Variants in MAP3K5 observed in about 807,000 individuals in gnomAD.
MAP3K5 encodes the protein ASK-1.
MAP3K5 carries 56 observed loss-of-function variants against 158.7 expected under a neutral mutation model. That is an observed-to-expected ratio of 0.35 (90% CI 0.28 to 0.44). MAP3K5 has a LOEUF of 0.44. MAP3K5 is among the 20% of genes least tolerant of loss of function. The pLI is 1.00. For synonymous variants in MAP3K5, 579 were observed against 601.7 expected (o/e 0.96, Z 0.55); for missense variants, 1,294 against 1,674.8 (o/e 0.77, Z 3.97).
chr6:136,596,750 T>G (rs1269893627), intron 21 of MAP3K5, among the ~76,000 whole-genome samples: 1 of 152,226 alleles, frequency 6.6e-6, no homozygotes, highest in African/African-American at 2.4e-5. Context: ...TTTATACGTT[T>G]GTGGTGGAAA....
intron 14 of MAP3K5, among the ~76,000 whole-genome samples, chr6:136,636,407 A>T (rs749203037): frequency 2.0e-5 from 3 of 152,242 alleles, no homozygotes; most frequent in Non-Finnish European, 4.4e-5. Context: ...TGTTTACAGT[A>T]TTTTGTTACA....
At chr6:136,559,025 GA>G in intron 28 of MAP3K5, 149 bp from the exon 29 acceptor site, 1 of 592,712 alleles carries the variant, frequency 1.7e-6, no homozygotes, top group Non-Finnish European at 3.0e-6. Flanking sequence ...ATTATTAGGG[GA>G]AAGGCCTCCC....
intron 18 of MAP3K5, among the ~76,000 whole-genome samples, chr6:136,606,157 C>A (rs1284328742): frequency 1.3e-5 from 2 of 152,170 alleles, no homozygotes; most frequent in African/African-American, 4.8e-5. Context: ...TTGAGACCAG[C>A]CTGGCAAACA....
chr6:136,691,184 C>T (rs769827523), intron 7 of MAP3K5, among the ~76,000 whole-genome samples: 10 of 152,100 alleles, frequency 6.6e-5, no homozygotes, highest in Admixed American at 1.3e-4. Flanking sequence ...TGCTGAGCTT[C>T]CTAGATCTGT....
At chr6:136,778,700 G>C (rs1243378804) in intron 1 of MAP3K5, among the ~76,000 whole-genome samples, 3 of 152,136 alleles carry the variant, frequency 2.0e-5, no homozygotes, top group Non-Finnish European at 2.9e-5. Context: ...AGTTATAAGT[G>C]AATAGATTCC....
rs150721595 is a variant in MAP3K5 at position 136,767,863 on chromosome 6, G to A, written c.448+23847C>T. On this transcript the variant is annotated intron_variant, in intron 1 of 29. Transcript: ENST00000359015. ...AACATAGATCAATGGAAATCAAATGGAGACTATGGGAATAAACTCACACAT... is the reference window on the plus strand; with the variant it reads ...AACATAGATCAATGGAAATCAAATGAAGACTATGGGAATAAACTCACACAT... 4.5e-3 allele frequency among the ~76,000 whole-genome samples: 685 copies of A among 152,278 alleles called. 4 individuals are homozygous for A. Among genetic ancestry groups the A allele is most frequent in the African/African-American group, 0.016 (665 of 41,544 alleles).
At chr6:136,594,797 C>G (rs1037890358) in intron 21 of MAP3K5, among the ~76,000 whole-genome samples, 1 of 149,746 alleles carries the variant, frequency 6.7e-6, no homozygotes, top group Non-Finnish European at 1.5e-5. Context: ...CGTGTGTTTC[C>G]GTGTTTGTGT....
chr6:136,601,236 T>C (rs1215403681), intron 20 of MAP3K5, among the ~76,000 whole-genome samples, 194 bp from the exon 21 acceptor site: 4 of 152,192 alleles, frequency 2.6e-5, no homozygotes, highest in Admixed American at 6.5e-5. Context: ...TTCTGAGTTA[T>C]AGACAATTAT....
intron 7 of MAP3K5, among the ~76,000 whole-genome samples, chr6:136,687,092 C>G (rs1012510543): frequency 4.6e-5 from 7 of 152,136 alleles, no homozygotes; most frequent in African/African-American, 1.7e-4. Flanking sequence ...ACCAATGGAA[C>G]ACAACAGAGG....
At chr6:136,641,733 A>C (rs1426353364) in intron 12 of MAP3K5, among the ~76,000 whole-genome samples, 1 of 151,502 alleles carries the variant, frequency 6.6e-6, no homozygotes, top group East Asian at 1.9e-4. Flanking sequence ...TCACACCTGT[A>C]ATCCCAGCAT....
chr6:136,756,763 C>T (rs1043526607), intron 1 of MAP3K5, among the ~76,000 whole-genome samples: 1 of 152,206 alleles, frequency 6.6e-6, no homozygotes, highest in Non-Finnish European at 1.5e-5. Context: ...GAGAGAGACA[C>T]TTGCAAGGCT....
intron 1 of MAP3K5, among the ~76,000 whole-genome samples, chr6:136,790,608 C>T (rs1277563532): frequency 2.0e-5 from 3 of 152,050 alleles, no homozygotes; most frequent in Non-Finnish European, 4.4e-5. Context: ...GGCTGAATTC[C>T]AAAACTGACA....
chr6:136,558,440 C>A (rs1354360780), intron 29 of MAP3K5, among the ~76,000 whole-genome samples: 2 of 151,618 alleles, frequency 1.3e-5, no homozygotes, highest in African/African-American at 4.8e-5. Flanking sequence ...TCAGATTATA[C>A]CAGGTTTTTG....
At chr6:136,560,974 A>AAAT (rs907452683) in intron 28 of MAP3K5, among the ~76,000 whole-genome samples, 1 of 151,404 alleles carries the variant, frequency 6.6e-6, no homozygotes, top group African/African-American at 2.4e-5. Flanking sequence ...AAATAAAATA[A>AAAT]AATAAAATAA....
chr6:136,785,047 T>A (rs1472493653), intron 1 of MAP3K5, among the ~76,000 whole-genome samples: 11 of 152,250 alleles, frequency 7.2e-5, no homozygotes, highest in Admixed American at 7.2e-4. Context: ...CAGACTTTAC[T>A]CTCTCCTTCA....
At chr6:136,564,330 C>G (rs1773992783) in intron 26 of MAP3K5, among the ~76,000 whole-genome samples, 1 of 152,038 alleles carries the variant, frequency 6.6e-6, no homozygotes, top group South Asian at 2.1e-4. Flanking sequence ...AAGTAAAACA[C>G]AATAAGAGGT....
chr6:136,631,329 T>C (rs1457443441), intron 14 of MAP3K5, among the ~76,000 whole-genome samples: 3 of 152,172 alleles, frequency 2.0e-5, no homozygotes, highest in Non-Finnish European at 4.4e-5. Context: ...TTCAGCTTCA[T>C]ATCTGCACAA....
chr6:136,699,617 C>T (rs946458647), intron 3 of MAP3K5, among the ~76,000 whole-genome samples: 11 of 152,064 alleles, frequency 7.2e-5, no homozygotes, highest in East Asian at 1.9e-4. Flanking sequence ...GATGCCCAAG[C>T]GAGGATAAAC....
intron 1 of MAP3K5, among the ~76,000 whole-genome samples, chr6:136,735,715 A>G (rs1782428236): frequency 6.6e-6 from 1 of 152,122 alleles, no homozygotes; most frequent in South Asian, 2.1e-4. Context: ...CTGCAGTCCC[A>G]GCTACTAAGG....
Sources: allele counts gnomAD v4.1 joint callset (sites outside exome capture counted in the v4.1 genomes callset), GRCh38; gene constraint gnomAD v4.1.1; transcripts MANE v1.5; gene names NCBI Gene and HGNC (gene_info 2026-07-23, HGNC 2026-07-21).